Variants in SALL4 observed in about 807,000 individuals in gnomAD.
SALL4 encodes sal-like protein 4.
Under a neutral mutation model 60.8 loss-of-function variants are expected in SALL4, and 4 were observed. The observed-to-expected ratio is 0.07, with a 90% CI of 0.03 to 0.15. The LOEUF is 0.15. Ranked by LOEUF, SALL4 falls within the 10% of genes least tolerant of loss-of-function variation. The probability of loss-of-function intolerance (pLI) is 1.00; values close to 1 mark genes in which losing one functional copy is unlikely to be tolerated. For missense variants in SALL4, 1,178 were observed against 1,394.7 expected (o/e 0.84, Z 2.48); for synonymous variants, 580 against 574.9 (o/e 1.01, Z -0.13).
chr20:51,791,160 C>G lies in SALL4; in HGVS notation c.1323G>C (p.Leu441=). The change falls in exon 2 of 4, where the codon CTG becomes CTC. Residue 441 remains leucine (L), a synonymous_variant. Transcript: ENST00000217086. This position sits in a 1 kb window ranked among gnomAD's most constrained non-coding sequence, Gnocchi z 4.6. ...RHPQVKANPQ[L]FAEFQDKVAA... The stretch of plus-strand genomic sequence containing the variant: ...CCACTTTGTCCTGGAACTCGGCAAA[C>G]AGCTGGGGGTTTGCCTTCACCTGGG... 6.2e-7 allele frequency: 1 copy of G among 1,614,130 alleles called. No homozygotes were observed. Among genetic ancestry groups the G allele is most frequent in the South Asian group, 1.1e-5 (1 of 91,088 alleles).
chr20:51,789,639 A>C (rs377571246), intron 2 of SALL4, among the ~76,000 whole-genome samples: 12 of 152,190 alleles, frequency 7.9e-5, no homozygotes, highest in African/African-American at 2.9e-4. Context: ...GTGGTCAAAA[A>C]GCAGTGGCCA....
chr20:51,790,131 G>C lies in SALL4; in HGVS notation c.2352C>G (p.Ser784=). The C allele has an allele frequency of 1.2e-6, 2 of 1,614,182 alleles. No homozygotes were observed. Among genetic ancestry groups the C allele is most frequent in the Admixed American group, 1.7e-5 (1 of 60,030 alleles). Residue 784 remains serine (S), a synonymous_variant, in exon 2 of 4, where the codon TCC becomes TCG. Coordinates refer to ENST00000217086, the MANE Select transcript of SALL4 (RefSeq NM_020436.5). The surrounding 1 kb of genome is among the most constrained non-coding windows in gnomAD (Gnocchi z 5.5). ...SRSPDILETT[S]FQALSPANSQ... ...TATTGGCCGGGGAGAGTGCCTGGAA[G>C]GATGTGGTTTCCAGGATATCTGGGC...
intron 1 of SALL4, among the ~76,000 whole-genome samples, chr20:51,795,473 T>C (rs1481045339): frequency 6.6e-6 from 1 of 152,196 alleles, no homozygotes; most frequent in Non-Finnish European, 1.5e-5. Context: ...ACTATTTATC[T>C]GGGAACCGCC....
chr20:51,794,621 T>C (rs188059672), intron 1 of SALL4, among the ~76,000 whole-genome samples: 3 of 152,302 alleles, frequency 2.0e-5, no homozygotes, highest in Admixed American at 2.0e-4. Context: ...ATAATGTCAC[T>C]CGTGCAACAT....
rs6013281 is a variant in SALL4 at position 51,791,943 on chromosome 20, A to G, written c.540T>C (p.Asn180=). 1 allele frequency: 1,607,197 copies of G among 1,614,230 alleles called. 800,103 individuals carry two copies. Among genetic ancestry groups the G allele is most frequent in the East Asian group, 1 (44,846 of 44,848 alleles). ...YLAKGKVANT[N]VTLQALRGTK... is the part of the protein sequence containing the mutation. ...TGCCCCGTAGTGCCTGCAAGGTCAC[A>G]TTAGTGTTGGCCACTTTGCCTTTGG... Residue 180 remains asparagine (N), a synonymous_variant, in exon 2 of 4, where the codon AAT becomes AAC. Transcript: ENST00000217086. The surrounding 1 kb of genome is among the most constrained non-coding windows in gnomAD (Gnocchi z 4.6).
intron 1 of SALL4, among the ~76,000 whole-genome samples, chr20:51,793,402 C>T (rs957246144): frequency 1.2e-4 from 18 of 151,982 alleles, no homozygotes; most frequent in Non-Finnish European, 2.4e-4. Context: ...GCAGGAGAAC[C>T]GCTTGAGCCT....
chr20:51,792,018 T>C lies in SALL4; in HGVS notation c.465A>G (p.Leu155=), dbSNP rs1168747016. ...EKPDAESVVY[L]KTETALPPTP... is the part of the protein sequence containing the mutation. ...TGGGTGGCAGGGCTGTCTCTGTCTT[T>C]AGGTACACCACAGACTCCGCATCCG... is the stretch of plus-strand genomic sequence containing the variant. Residue 155 remains leucine (L), a synonymous_variant, in exon 2 of 4, where the codon CTA becomes CTG. Transcript: ENST00000217086. 2 of 1,614,138 alleles carry C rather than the reference T, an allele frequency of 1.2e-6. No individual in the cohort carries two copies. Among genetic ancestry groups the C allele is most frequent in the Admixed American group, 1.7e-5 (1 of 60,026 alleles).
At chr20:51,792,914 G>C (rs775033260) in intron 1 of SALL4, 4 of 997,932 alleles carry the variant, frequency 4.0e-6, no homozygotes, top group Non-Finnish European at 4.8e-6. Flanking sequence ...CCATCATCAA[G>C]ATATCAATGG....
intron 1 of SALL4, among the ~76,000 whole-genome samples, chr20:51,796,816 CTT>C (rs886605646): frequency 2.6e-5 from 4 of 151,996 alleles, no homozygotes; most frequent in African/African-American, 9.7e-5. Context: ...TCTATGGAGG[CTT>C]TTAAGTTATT....
rs1159189455 is a variant in SALL4, at chr20:51,790,587, C to A, written c.1896G>T (p.Gln632His). The A allele has an allele frequency of 1.9e-6, 3 of 1,614,076 alleles. No homozygotes were observed. The African/African-American group carries it at 4.0e-5, about 22-fold the overall frequency. ...GCATCACGGCATTAGTGAACTTCTT[C>A]TGGCAGATGGGGCACGAATGCTGCG... ...IKTQHSCPIC[Q>H]KKFTNAVMLQ... Residue 632 changes from glutamine to histidine, a missense_variant, in exon 2 of 4, where the codon CAG becomes CAT. Around this residue, in one of 5 missense-constraint regions of SALL4, gnomAD observed 853 missense variants for 1,036.8 expected, o/e 0.82. Coordinates refer to ENST00000217086, the MANE Select transcript of SALL4 (RefSeq NM_020436.5). The surrounding 1 kb of genome is among the most constrained non-coding windows in gnomAD (Gnocchi z 5.5).
Position 51,784,108 on chromosome 20 carries a change from G to A in SALL4, c.*157C>T. 1.2e-6 allele frequency: 1 copy of A among 802,788 alleles called. No individual in the cohort carries two copies. The highest frequency in any genetic ancestry group is 2.0e-6 in the Non-Finnish European group (1 of 493,370). 49.7% of individuals were successfully genotyped at this position (802,788 alleles called of 1,614,324 possible). A position where few individuals can be genotyped will look rare whatever the true frequency, so the allele number is the denominator to read the frequency against. On this transcript the variant is annotated 3_prime_UTR_variant, in exon 4 of 4. Transcript: ENST00000217086. ...AAGCAGCATAGCAACAATCGTGATT[G>A]TAGCACTTGCCTGAGGTTGTGGTCA...
intron 1 of SALL4, among the ~76,000 whole-genome samples, chr20:51,795,761 T>G (rs2078075703): frequency 1.3e-5 from 2 of 152,206 alleles, no homozygotes; most frequent in Admixed American, 6.5e-5. Context: ...ATTCCTGCTT[T>G]AGGAATTTCC....
At chr20:51,798,358 G>A (rs1379863397) in intron 1 of SALL4, among the ~76,000 whole-genome samples, 6 of 150,048 alleles carry the variant, frequency 4.0e-5, no homozygotes, top group Non-Finnish European at 7.4e-5. Context: ...CCCAACTAGA[G>A]ATCAGGCAAG....
At position 51,802,487 on chromosome 20, in the gene SALL4, C is replaced by T; in HGVS notation, c.-79G>A. 6.3e-7 allele frequency: 1 copy of T among 1,599,488 alleles called. No individual in the cohort carries two copies. ...AAATTCCTGGAGTTGGGAAATTTAC[C>T]CCCCTTCGGCCGGAACGCGCATGTC... On this transcript the variant is annotated 5_prime_UTR_variant, in exon 1 of 4. Coordinates refer to ENST00000217086, the MANE Select transcript of SALL4 (RefSeq NM_020436.5).
At position 51,790,985 on chromosome 20, in the gene SALL4, C is replaced by A. The variant is rs2078035050; in HGVS notation, c.1498G>T (p.Gly500Cys). 6.2e-7 allele frequency: 1 copy of A among 1,614,032 alleles called. No homozygotes were observed. Among genetic ancestry groups the A allele is most frequent in the Admixed American group, 1.7e-5 (1 of 60,010 alleles). Residue 500 changes from glycine (G) to cysteine (C), a missense_variant, in exon 2 of 4, where the codon GGT becomes TGT. Transcript: ENST00000217086. This position sits in a 1 kb window ranked among gnomAD's most constrained non-coding sequence, Gnocchi z 5.5. The stretch of plus-strand genomic sequence containing the variant: ...TGCAGGTCACCGGGCAAGGAGCCAC[C>A]CGTGAGGTCCTTGGGATTAGTCCCC... ...SSGTNPKDLT[G>C]GSLPGDLQPG...
rs544552130 is a variant in SALL4, at chr20:51,793,764, G to A, written c.131-1412C>T. On this transcript the variant is annotated intron_variant, in intron 1 of 3. Transcript: ENST00000217086. ...ACTTTTGACAGCACAGTCCACCCAC[G>A]GGTTTCCAGGAGGGGCTGATCTTGA... is the stretch of plus-strand genomic sequence containing the variant. 2.9e-3 allele frequency among the ~76,000 whole-genome samples: 446 copies of A among 152,284 alleles called. 3 individuals carry two copies. Among genetic ancestry groups the A allele is most frequent in the Non-Finnish European group, 4.0e-3 (274 of 68,022 alleles).
intron 3 of SALL4, among the ~76,000 whole-genome samples, chr20:51,785,363 G>A (rs1415906329): frequency 6.6e-6 from 1 of 152,194 alleles, no homozygotes; most frequent in Non-Finnish European, 1.5e-5. Flanking sequence ...TACTGAAAGT[G>A]AGAAACAGAA....
In SALL4 at chr20:51,801,530, CA is replaced by C. The variant is rs1484221359; in HGVS notation, c.130+748del. 3.3e-5 allele frequency: 5 copies of C among 152,344 alleles called. No individual in the cohort carries two copies. Among genetic ancestry groups the C allele is most frequent in the Admixed American group, 1.3e-4 (2 of 15,286 alleles). The allele number at this position is 152,344 out of a possible 1,614,324, so 9.4% of individuals were successfully genotyped here. ...CGGTTATTTTTAGGAAGTCGGAAAT[CA>C]AAGATGGCTGGAGGTCAGGCCCCGA... On this transcript the variant is annotated intron_variant, in intron 1 of 3. Transcript: ENST00000217086. This position sits in a 1 kb window ranked among gnomAD's most constrained non-coding sequence, Gnocchi z 5.2.
chr20:51,798,534 C>G (rs896803878), intron 1 of SALL4, among the ~76,000 whole-genome samples: 1 of 152,056 alleles, frequency 6.6e-6, no homozygotes, highest in Non-Finnish European at 1.5e-5. Flanking sequence ...AATGTTTAGA[C>G]ATTTTAAAAA....
Sources: gnomAD v4.1 joint callset for allele counts (sites outside exome capture counted in the v4.1 genomes callset) on GRCh38, gnomAD v4.1.1 for gene constraint, gnomAD v4.1.1 regional missense constraint, Gnocchi (gnomAD v3.1) non-coding constraint, MANE v1.5 for transcripts, NCBI Gene and HGNC (gene_info 2026-07-23, HGNC 2026-07-21) for gene names.